Variants in KCNIP1 observed in about 807,000 individuals in gnomAD.
KCNIP1 encodes the protein potassium voltage-gated channel interacting protein 1.
A neutral mutation model predicts 33.0 loss-of-function variants in KCNIP1; 18 were observed. The ratio of observed to expected loss-of-function variants is 0.55; its 90% CI spans 0.38 to 0.81. KCNIP1 has a LOEUF of 0.81. Ranked by LOEUF, KCNIP1 falls within the 30% of genes least tolerant of loss-of-function variation. The pLI is 0.00. For synonymous variants in KCNIP1, 93 were observed against 98.3 expected (o/e 0.95, Z 0.32); for missense variants, 238 against 271.6 (o/e 0.88, Z 0.87).
chr5:170,686,472 T>C (rs1762539965), intron 1 of KCNIP1, among the ~76,000 whole-genome samples: 1 of 152,312 alleles, frequency 6.6e-6, no homozygotes, highest in African/African-American at 2.4e-5. Context: ...CCTATAATCA[T>C]TGGCCTTTAG....
chr5:170,391,584 A>G (rs1754594571), intron 1 of KCNIP1, among the ~76,000 whole-genome samples: 2 of 152,232 alleles, frequency 1.3e-5, no homozygotes, highest in African/African-American at 4.8e-5. Context: ...TTGCATTAGT[A>G]CGGGGTGTCA....
intron 1 of KCNIP1, among the ~76,000 whole-genome samples, chr5:170,461,887 G>A (rs1232995082): frequency 6.6e-6 from 1 of 152,184 alleles, no homozygotes; most frequent in Non-Finnish European, 1.5e-5. Context: ...TCAAGGAATA[G>A]TGCTGGGATA....
At chr5:170,479,665 T>C (rs566207129) in intron 1 of KCNIP1, among the ~76,000 whole-genome samples, 37 of 152,268 alleles carry the variant, frequency 2.4e-4, no homozygotes, top group Admixed American at 6.5e-4. Flanking sequence ...TCCATAAGGG[T>C]AATACCGAGT....
At chr5:170,694,325 C>T (rs1762821382) in intron 1 of KCNIP1, among the ~76,000 whole-genome samples, 1 of 152,134 alleles carries the variant, frequency 6.6e-6, no homozygotes, top group Non-Finnish European at 1.5e-5. Flanking sequence ...ACAGATGGTT[C>T]ATTTTTATTA....
chr5:170,552,299 A>G (rs1248568899), intron 1 of KCNIP1, among the ~76,000 whole-genome samples: 2 of 152,166 alleles, frequency 1.3e-5, no homozygotes, highest in African/African-American at 4.8e-5. Context: ...GAGCTGGGGA[A>G]TAAAGAGCTG....
intron 1 of KCNIP1, among the ~76,000 whole-genome samples, chr5:170,385,136 C>T (rs1422747107): frequency 6.6e-6 from 1 of 152,180 alleles, no homozygotes; most frequent in Non-Finnish European, 1.5e-5. Context: ...ACCAGTGGGG[C>T]TCAGTTCATC....
intron 1 of KCNIP1, among the ~76,000 whole-genome samples, chr5:170,529,326 T>C (rs945313132): frequency 6.6e-5 from 10 of 152,134 alleles, no homozygotes; most frequent in Non-Finnish European, 1.2e-4. Flanking sequence ...AGCTTCTCAA[T>C]AGTTCCAGGA....
intron 1 of KCNIP1, among the ~76,000 whole-genome samples, chr5:170,575,469 G>A (rs963627138): frequency 6.6e-6 from 1 of 152,194 alleles, no homozygotes; most frequent in African/African-American, 2.4e-5. Flanking sequence ...GTTACATAGG[G>A]AAGTTCCTAC....
chr5:170,570,309 A>G (rs1337475371), intron 1 of KCNIP1, among the ~76,000 whole-genome samples: 1 of 152,362 alleles, frequency 6.6e-6, no homozygotes, highest in Non-Finnish European at 1.5e-5. Context: ...GCTTTTCATA[A>G]TAATCATCTT....
intron 1 of KCNIP1, among the ~76,000 whole-genome samples, chr5:170,429,930 C>T (rs1755703109): frequency 6.6e-6 from 1 of 152,218 alleles, no homozygotes; most frequent in Non-Finnish European, 1.5e-5. Flanking sequence ...AGATGCAATA[C>T]ACAAATCCAT....
intron 1 of KCNIP1, among the ~76,000 whole-genome samples, chr5:170,661,035 G>C (rs1206435387): frequency 6.6e-6 from 1 of 152,236 alleles, no homozygotes. Flanking sequence ...TGATAGAATG[G>C]GCATTTTCTG....
At chr5:170,422,763 G>C (rs963753190) in intron 1 of KCNIP1, 1 of 152,202 alleles carries the variant, frequency 6.6e-6, no homozygotes, top group East Asian at 1.9e-4. Context: ...AGACTTCTCA[G>C]TACCTTTAAC....
intron 1 of KCNIP1, among the ~76,000 whole-genome samples, chr5:170,700,860 G>A (rs1294677893): frequency 6.6e-6 from 1 of 152,196 alleles, no homozygotes; most frequent in African/African-American, 2.4e-5. Flanking sequence ...TCAGGAAGGA[G>A]GAGGACCAGA....
At chr5:170,650,445 G>T (rs543576442) in intron 1 of KCNIP1, among the ~76,000 whole-genome samples, 2 of 152,196 alleles carry the variant, frequency 1.3e-5, no homozygotes, top group South Asian at 4.2e-4. Flanking sequence ...TTCTTGTCTG[G>T]CTTCTTTTAT....
chr5:170,484,891 C>A (rs1465460336), intron 1 of KCNIP1, among the ~76,000 whole-genome samples: 1 of 151,902 alleles, frequency 6.6e-6, no homozygotes, highest in African/African-American at 2.4e-5. Flanking sequence ...TCTGTAGCCA[C>A]ACCCAGTGGG....
intron 1 of KCNIP1, among the ~76,000 whole-genome samples, chr5:170,403,818 C>A (rs780680769): frequency 6.6e-6 from 1 of 152,190 alleles, no homozygotes; most frequent in Non-Finnish European, 1.5e-5. Context: ...CCTACTACGC[C>A]GGCTTTGGTT....
At chr5:170,413,837 T>C (rs1755258163) in intron 1 of KCNIP1, among the ~76,000 whole-genome samples, 2 of 150,854 alleles carry the variant, frequency 1.3e-5, no homozygotes, top group African/African-American at 4.9e-5. Context: ...CTCTCTTACA[T>C]GGGGAAATCA....
At chr5:170,682,792 T>C (rs1024282930) in intron 1 of KCNIP1, among the ~76,000 whole-genome samples, 1 of 132,078 alleles carries the variant, frequency 7.6e-6, no homozygotes, top group Non-Finnish European at 1.6e-5. Flanking sequence ...TTCTTTTTTT[T>C]TTTTTTTTTT....
At chr5:170,713,024 T>G (rs1477367443) in intron 1 of KCNIP1, 7 of 737,628 alleles carry the variant, frequency 9.5e-6, no homozygotes, top group Admixed American at 2.2e-5. Context: ...CCCACATATA[T>G]AGAAACAGTT....
Sources: allele counts gnomAD v4.1 joint callset (sites outside exome capture counted in the v4.1 genomes callset), GRCh38; gene constraint gnomAD v4.1.1; transcripts MANE v1.5; gene names NCBI Gene and HGNC (gene_info 2026-07-23, HGNC 2026-07-21).